The following DPP10 variants were observed in gnomAD, a reference collection of about 807,000 sequenced individuals.
The protein encoded by DPP10 is inactive dipeptidyl peptidase 10.
DPP10 carries 33 observed loss-of-function variants against 120.9 expected under a neutral mutation model. The observed-to-expected ratio is 0.27, with a 90% CI of 0.21 to 0.37. The LOEUF (loss-of-function observed/expected upper bound fraction) is 0.37. DPP10 is among the 10% of genes least tolerant of loss of function. The pLI is 1.00. For missense variants in DPP10, 816 were observed against 942.8 expected (o/e 0.87, Z 1.76); for synonymous variants, 337 against 326.1 (o/e 1.03, Z -0.36).
At chr2:115,064,740 G>T in intron 1 of DPP10, 2 of 1,304,092 alleles carry the variant, frequency 1.5e-6, no homozygotes, top group South Asian at 2.5e-5. Context: ...GTAGAAAGTG[G>T]TTATAGTCCA....
chr2:115,758,562 G>T (rs1038992131), intron 11 of DPP10, among the ~76,000 whole-genome samples: 5 of 151,910 alleles, frequency 3.3e-5, no homozygotes, highest in African/African-American at 4.8e-5. Context: ...ACCAATTAAA[G>T]TCCCTTCTGA....
At chr2:114,880,511 G>A (rs1219756537) in intron 1 of DPP10, among the ~76,000 whole-genome samples, 1 of 152,050 alleles carries the variant, frequency 6.6e-6, no homozygotes, top group Non-Finnish European at 1.5e-5. Context: ...AAAGAAACAT[G>A]TTAGATAAGA....
intron 1 of DPP10, among the ~76,000 whole-genome samples, chr2:114,856,046 G>A (rs1037074837): frequency 6.6e-6 from 1 of 151,302 alleles, no homozygotes; most frequent in Non-Finnish European, 1.5e-5. Flanking sequence ...TAAACCAGCA[G>A]CAAAAAGGCT....
intron 1 of DPP10, among the ~76,000 whole-genome samples, chr2:114,900,167 C>G (rs1558860569): frequency 6.6e-6 from 1 of 152,164 alleles, no homozygotes; most frequent in Admixed American, 6.5e-5. Flanking sequence ...ACAACGTACA[C>G]TTAAATTTTT....
chr2:115,125,990 A>G (rs1282011659), intron 1 of DPP10, among the ~76,000 whole-genome samples: 1 of 152,216 alleles, frequency 6.6e-6, no homozygotes, highest in African/African-American at 2.4e-5. Flanking sequence ...TATATTTCCA[A>G]AATGACCAAA....
At chr2:115,097,192 T>A (rs759553647) in intron 1 of DPP10, among the ~76,000 whole-genome samples, 16 of 152,042 alleles carry the variant, frequency 1.1e-4, no homozygotes, top group South Asian at 4.1e-4. Flanking sequence ...ATAGTAGTAA[T>A]AATAATAAAG....
intron 5 of DPP10, among the ~76,000 whole-genome samples, chr2:115,574,923 A>G (rs1374586584): frequency 2.0e-5 from 3 of 152,206 alleles, no homozygotes; most frequent in Non-Finnish European, 4.4e-5. Context: ...CCATGAGAAT[A>G]AACAGACACA....
chr2:115,308,881 G>T (rs1432255405), intron 1 of DPP10, among the ~76,000 whole-genome samples: 1 of 151,932 alleles, frequency 6.6e-6, no homozygotes, highest in African/African-American at 2.4e-5. Flanking sequence ...CATCTTTATT[G>T]TAGGTTCCAT....
At chr2:115,832,327 A>C (rs1309815069) in intron 21 of DPP10, among the ~76,000 whole-genome samples, 2 of 152,124 alleles carry the variant, frequency 1.3e-5, no homozygotes, top group Non-Finnish European at 2.9e-5. Flanking sequence ...TATCTGTACA[A>C]ATAAATACAA....
At chr2:115,286,521 TATATAATATATATATATATAA>T (rs2060397156) in intron 1 of DPP10, among the ~76,000 whole-genome samples, 2 of 43,494 alleles carry the variant, frequency 4.6e-5, no homozygotes, top group Non-Finnish European at 1.1e-4. Flanking sequence ...ATAATATATA[TATATAATATATATATATATAA>T]AATATATACA....
Position 114,813,933 on chromosome 2 carries a change from C to T in DPP10, c.60+371095C>T, listed in dbSNP as rs140454687. 8.2e-3 allele frequency among the ~76,000 whole-genome samples: 1,098 copies of T among 134,064 alleles called. 8 individuals carry two copies. The highest frequency in any genetic ancestry group is 0.011 in the Non-Finnish European group (735 of 64,406). 88.0% of individuals were successfully genotyped at this position (134,064 alleles called of 152,430 possible). On this transcript the variant is annotated intron_variant, in intron 1 of 25. Coordinates refer to ENST00000410059, the MANE Select transcript of DPP10 (RefSeq NM_020868.6). ...CCAAATAGCCTGTGGCTTACAGTGG[C>T]ACGCATGAACACACACACACACACA...
chr2:115,752,104 A>G (rs1212191304), intron 10 of DPP10, among the ~76,000 whole-genome samples: 2 of 152,070 alleles, frequency 1.3e-5, no homozygotes, highest in African/African-American at 4.8e-5. Context: ...GGCCAAAACT[A>G]GTTTAATTAG....
At chr2:114,544,619 G>A (rs144342696) in intron 1 of DPP10, among the ~76,000 whole-genome samples, 3 of 151,428 alleles carry the variant, frequency 2.0e-5, no homozygotes, top group African/African-American at 4.9e-5. Flanking sequence ...GTCATTGGGG[G>A]GACTCAAATT....
At chr2:114,899,125 C>G (rs1693315210) in intron 1 of DPP10, among the ~76,000 whole-genome samples, 1 of 151,202 alleles carries the variant, frequency 6.6e-6, no homozygotes, top group South Asian at 2.1e-4. Context: ...AGATAGCTAC[C>G]TAAGGAAGGT....
intron 1 of DPP10, among the ~76,000 whole-genome samples, chr2:114,748,427 A>C (rs1465017882): frequency 1.5e-5 from 2 of 131,290 alleles, no homozygotes; most frequent in Non-Finnish European, 3.2e-5. Context: ...TTATACTTTA[A>C]GTTTTAGGGT....
intron 1 of DPP10, among the ~76,000 whole-genome samples, chr2:114,519,816 C>G (rs966237602): frequency 1.3e-4 from 20 of 152,138 alleles, no homozygotes; most frequent in African/African-American, 4.8e-4. Context: ...CATATTTTCT[C>G]CAAAGAACTC....
At chr2:115,145,354 C>T (rs1196912807) in intron 1 of DPP10, among the ~76,000 whole-genome samples, 1 of 152,112 alleles carries the variant, frequency 6.6e-6, no homozygotes, top group Non-Finnish European at 1.5e-5. Flanking sequence ...TCTACTGTCT[C>T]CATAGTTTTG....
intron 1 of DPP10, among the ~76,000 whole-genome samples, chr2:114,748,340 TTTTTTTTTTTA>T (rs564423255): frequency 7.7e-6 from 1 of 129,752 alleles, no homozygotes; most frequent in Non-Finnish European, 1.6e-5. Context: ...GGAATTTTCT[TTTTTTTTTTTA>T]TTTTTTTTTA....
At chr2:115,731,444 C>G (rs2092908455) in intron 8 of DPP10, among the ~76,000 whole-genome samples, 1 of 151,834 alleles carries the variant, frequency 6.6e-6, no homozygotes, top group African/African-American at 2.4e-5. Flanking sequence ...GGAGGATCAC[C>G]TAAGCCAGGA....
Sources: gnomAD v4.1 joint callset for allele counts (sites outside exome capture counted in the v4.1 genomes callset) on GRCh38, gnomAD v4.1.1 for gene constraint, MANE v1.5 for transcripts, NCBI Gene and HGNC (gene_info 2026-07-23, HGNC 2026-07-21) for gene names.